NBEAL2: variants seen among roughly 807,000 people sequenced by gnomAD.
The protein encoded by NBEAL2 is neurobeachin-like protein 2.
In NBEAL2, 160 loss-of-function variants were observed where a neutral mutation model predicts 299.8. That is an observed-to-expected ratio of 0.53 (90% CI 0.47 to 0.61). NBEAL2 has a LOEUF of 0.61. NBEAL2 is among the 20% of genes least tolerant of loss of function. NBEAL2 has a pLI of 0.00. For synonymous variants in NBEAL2, 1,493 were observed against 1,542.3 expected (o/e 0.97, Z 0.75); for missense variants, 3,112 against 3,649.0 (o/e 0.85, Z 3.79).
rs1300893623 is a variant in NBEAL2 at position 46,988,338 on chromosome 3, T to G, written c.52-331T>G. Among the ~76,000 whole-genome samples the G allele has an allele frequency of 6.6e-6, 1 of 152,104 alleles. No homozygotes were observed. The highest frequency in any genetic ancestry group is 1.9e-4 in the East Asian group (1 of 5,178). ...AGTGTGGGCCACAGCCACACCCCAC[T>G]TACGCCCCTCCCCTGGCTGTGTCAG... On this transcript the variant is annotated intron_variant, in intron 1 of 53. Coordinates refer to ENST00000450053, the MANE Select transcript of NBEAL2 (RefSeq NM_015175.3). This position sits in a 1 kb window ranked among gnomAD's most constrained non-coding sequence, Gnocchi z 4.4.
Position 46,989,619 on chromosome 3 carries a change from TGG to T in NBEAL2, c.556+27_556+28del, listed in dbSNP as rs759901172. On this transcript the variant is annotated intron_variant, in intron 6 of 53. Transcript: ENST00000450053. The surrounding 1 kb of genome is among the most constrained non-coding windows in gnomAD (Gnocchi z 5.5). The stretch of plus-strand genomic sequence containing the variant: ...GTCAGGCCCCGCCCCTGCCCCCACT[TGG>T]CTCCACCCCCAAACCTAGGCCCCTT... 1 of 1,556,284 alleles carries T rather than the reference TGG, an allele frequency of 6.4e-7. No individual in the cohort carries two copies. Among genetic ancestry groups the T allele is most frequent in the South Asian group, 1.2e-5 (1 of 84,590 alleles).
rs1455126465 is a variant in NBEAL2, at chr3:47,009,500, C to T, written c.*180C>T. ...CCTCAGGGATTGGCGGGCGGAAGTC[C>T]CGCCCCTCGCCGGCTGAGGGGCCGC... is the stretch of plus-strand genomic sequence containing the variant. On this transcript the variant is annotated 3_prime_UTR_variant, in exon 54 of 54. Coordinates refer to ENST00000450053, the MANE Select transcript of NBEAL2 (RefSeq NM_015175.3). 1.1e-5 allele frequency: 7 copies of T among 647,480 alleles called. No homozygotes were observed. The highest frequency in any genetic ancestry group is 1.8e-5 in the Non-Finnish European group (7 of 382,474). The allele number at this position is 647,480 out of a possible 1,614,324, so 40.1% of individuals were successfully genotyped here. A position where few individuals can be genotyped will look rare whatever the true frequency, so the allele number is the denominator to read the frequency against.
chr3:46,999,446 G>T lies in NBEAL2; in HGVS notation c.3675G>T (p.Gln1225His). 2 of 1,582,910 alleles carry T rather than the reference G, an allele frequency of 1.3e-6. No individual in the cohort carries two copies. The highest frequency in any genetic ancestry group is 2.3e-5 in the East Asian group (1 of 43,036). ...PEGTVSPQLC[Q>H]GLYKLFLGAD... ...GGACTGTTTCCCCCCAGCTCTGCCA[G>T]GGCCTCTACAAGCTGTTCCTGGGGG... The change falls in exon 25 of 54, where the codon CAG becomes CAT. Residue 1225 changes from glutamine (Q) to histidine (H), a missense_variant. Around this residue, in one of 3 missense-constraint regions of NBEAL2, gnomAD observed 2,243 missense variants for 2,538.1 expected, o/e 0.88. Coordinates refer to ENST00000450053, the MANE Select transcript of NBEAL2 (RefSeq NM_015175.3).
Position 47,000,905 on chromosome 3 carries a change from C to A in NBEAL2, c.4306-96C>A. Reference sequence around the variant, plus strand: ...TGCTCTGACTCCTGGGTGGCTACCCCAGGAGGGGTGCTGAGTGGGGATGGG... The same window carrying A: ...TGCTCTGACTCCTGGGTGGCTACCCAAGGAGGGGTGCTGAGTGGGGATGGG... On this transcript the variant is annotated intron_variant, in intron 27 of 53. Transcript: ENST00000450053. The surrounding 1 kb of genome is among the most constrained non-coding windows in gnomAD (Gnocchi z 4.5). 1.3e-6 allele frequency: 2 copies of A among 1,526,156 alleles called. No individual in the cohort carries two copies. Among genetic ancestry groups the A allele is most frequent in the South Asian group, 2.4e-5 (2 of 82,090 alleles). 94.5% of individuals were successfully genotyped at this position (1,526,156 alleles called of 1,614,324 possible). A position where few individuals can be genotyped will look rare whatever the true frequency, so the allele number is the denominator to read the frequency against.
At chr3:46,987,931 C>G (rs2035786991) in intron 1 of NBEAL2, 2 of 1,194,118 alleles carry the variant, frequency 1.7e-6, no homozygotes, top group South Asian at 1.4e-5. Flanking sequence ...TCCCCCTCCC[C>G]CACCGTGACT....
chr3:46,989,041 G>A lies in NBEAL2; in HGVS notation c.270-44G>A, dbSNP rs770839593. ...CCAGAGGGAGAGGGGACAAGGAGGG[G>A]CATGGTGTATTATTGTGACCTCTCT... is the stretch of plus-strand genomic sequence containing the variant. On this transcript the variant is annotated intron_variant, in intron 3 of 53. Coordinates refer to ENST00000450053, the MANE Select transcript of NBEAL2 (RefSeq NM_015175.3). The surrounding 1 kb of genome is among the most constrained non-coding windows in gnomAD (Gnocchi z 5.5). The A allele has an allele frequency of 4.2e-5, 67 of 1,611,540 alleles. No homozygotes were observed. The highest frequency in any genetic ancestry group is 5.3e-5 in the Non-Finnish European group (63 of 1,178,772).
rs780645518 is a variant in NBEAL2, at chr3:47,005,556, G to A, written c.6628G>A (p.Ala2210Thr). Residue 2210 changes from alanine (A) to threonine (T), a missense_variant, in exon 41 of 54, where the codon GCC (alanine) becomes ACC (threonine). Coordinates refer to ENST00000450053, the MANE Select transcript of NBEAL2 (RefSeq NM_015175.3). ...AAWQARLESP[A>T]DVKELIPEFF... ...CTGGCAGGCACGCCTGGAGAGCCCT[G>A]CCGATGTGAAGGAGCTCATCCCGGA... 1 of 1,612,556 alleles carries A rather than the reference G, an allele frequency of 6.2e-7. No homozygotes were observed. The highest frequency in any genetic ancestry group is 8.5e-7 in the Non-Finnish European group (1 of 1,179,370).
In NBEAL2 at chr3:47,008,272, C is replaced by T. The variant is rs1186390984; in HGVS notation, c.7720-11C>T. On this transcript the variant is annotated splice_polypyrimidine_tract_variant and intron_variant, in intron 50 of 53. Transcript: ENST00000450053. The stretch of plus-strand genomic sequence containing the variant: ...GACTCCTGCCCAGGACCCTAAGTTG[C>T]CTTCCTGCAGGATGGAACTGTGATC... The T allele has an allele frequency of 1.2e-6, 2 of 1,613,078 alleles. No homozygotes were observed. Among genetic ancestry groups the T allele is most frequent in the Non-Finnish European group, 1.7e-6 (2 of 1,179,444 alleles).
chr3:47,000,804 C>T lies in NBEAL2; in HGVS notation c.4306-197C>T. On this transcript the variant is annotated intron_variant, in intron 27 of 53. Coordinates refer to ENST00000450053, the MANE Select transcript of NBEAL2 (RefSeq NM_015175.3). This position sits in a 1 kb window ranked among gnomAD's most constrained non-coding sequence, Gnocchi z 4.5. ...AGTCTGGCAAGACCCCAGGATTCTG[C>T]CTGGAACTCAGGTAGTAGTTGAGAC... The T allele has an allele frequency of 5.0e-6, 4 of 801,228 alleles. No individual in the cohort carries two copies. The South Asian group carries it at 5.9e-5, about 12-fold the overall frequency. The allele number at this position is 801,228 out of a possible 1,614,324, so 49.6% of individuals were successfully genotyped here.
In NBEAL2 at chr3:47,005,035, C is replaced by T. The variant is rs1338241666; in HGVS notation, c.6358C>T (p.Arg2120Trp). ...GGACCTCAGCAACCCAGCCGTCTTCCGGGACCTGTCTAAGCCCATCGGTGT... is the reference window on the plus strand; with the variant it reads ...GGACCTCAGCAACCCAGCCGTCTTCTGGGACCTGTCTAAGCCCATCGGTGT... ...TLDLSNPAVF[R>W]DLSKPIGVVN... Residue 2120 changes from arginine to tryptophan, a missense_variant, in exon 39 of 54, where the codon CGG becomes TGG. Transcript: ENST00000450053. 5 of 1,613,084 alleles carry T rather than the reference C, an allele frequency of 3.1e-6. No individual in the cohort carries two copies. The highest frequency in any genetic ancestry group is 3.4e-6 in the Non-Finnish European group (4 of 1,179,560).
At chr3:46,999,756 G>A (rs2036816518) in intron 26 of NBEAL2, 41 bp downstream of exon 26, 2 of 1,596,214 alleles carry the variant, frequency 1.3e-6, no homozygotes, top group African/African-American at 1.3e-5. Context: ...GGGGGAGGGT[G>A]GCTTCTACCC....
Position 47,009,497 on chromosome 3 carries a change from G to A in NBEAL2, c.*177G>A. ...CCCCCTCAGGGATTGGCGGGCGGAAGTCCCGCCCCTCGCCGGCTGAGGGGC... is the reference window on the plus strand; with the variant it reads ...CCCCCTCAGGGATTGGCGGGCGGAAATCCCGCCCCTCGCCGGCTGAGGGGC... On this transcript the variant is annotated 3_prime_UTR_variant, in exon 54 of 54. Transcript: ENST00000450053. 1.5e-6 allele frequency: 1 copy of A among 664,964 alleles called. No homozygotes were observed. Among genetic ancestry groups the A allele is most frequent in the Non-Finnish European group, 2.5e-6 (1 of 395,218 alleles). The allele number at this position is 664,964 out of a possible 1,614,324, so 41.2% of individuals were successfully genotyped here. A position where few individuals can be genotyped will look rare whatever the true frequency, so the allele number is the denominator to read the frequency against.
rs369215608 is a variant in NBEAL2 at position 47,003,042 on chromosome 3, G to T, written c.5545G>T (p.Asp1849Tyr). ...GAAGCTGGTGCCCAACCATCACTTC[G>T]ACCCTCACCTGGAAGCCAGCGCTCT... The part of the protein sequence containing the change: ...RLKLVPNHHF[D>Y]PHLEASALRD... The change falls in exon 34 of 54, where the codon GAC becomes TAC. Residue 1849 changes from aspartate to tyrosine, a missense_variant. Coordinates refer to ENST00000450053, the MANE Select transcript of NBEAL2 (RefSeq NM_015175.3). The surrounding 1 kb of genome is among the most constrained non-coding windows in gnomAD (Gnocchi z 7.0). 5 of 1,612,744 alleles carry T rather than the reference G, an allele frequency of 3.1e-6. No homozygotes were observed. The highest frequency in any genetic ancestry group is 2.7e-5 in the African/African-American group (2 of 74,886).
chr3:46,999,250 G>T, intron 24 of NBEAL2, 65 bp from the exon 25 acceptor site: 1 of 1,558,794 alleles, frequency 6.4e-7, no homozygotes, highest in East Asian at 2.3e-5. Context: ...ACACCTGCAC[G>T]GTGACTTCCC....
At chr3:46,997,497 C>T in intron 19 of NBEAL2, 64 bp downstream of exon 19, 1 of 1,589,166 alleles carries the variant, frequency 6.3e-7, no homozygotes, top group South Asian at 1.1e-5. Flanking sequence ...GGTGGAATGC[C>T]CAAGGTCTCC....
At position 47,001,461 on chromosome 3, in the gene NBEAL2, G is replaced by C. The variant is rs772216995; in HGVS notation, c.4644+23G>C. ...AAGGTGCGACCCCTCAGAGAGGCGT[G>C]AGCCACATGAACACTCATGTTCATG... On this transcript the variant is annotated intron_variant, in intron 29 of 53. Coordinates refer to ENST00000450053, the MANE Select transcript of NBEAL2 (RefSeq NM_015175.3). This position sits in a 1 kb window ranked among gnomAD's most constrained non-coding sequence, Gnocchi z 6.1. 3 of 1,605,620 alleles carry C rather than the reference G, an allele frequency of 1.9e-6. No individual in the cohort carries two copies. The highest frequency in any genetic ancestry group is 1.1e-5 in the South Asian group (1 of 90,424).
chr3:46,994,929 C>A, intron 12 of NBEAL2, 103 bp from the exon 13 acceptor site: 1 of 1,433,878 alleles, frequency 7.0e-7, no homozygotes, highest in Non-Finnish European at 9.3e-7. Context: ...TGGAGTAGAT[C>A]ATGTTGCTGA....
chr3:47,008,878 T>C (rs2037663284), intron 52 of NBEAL2, 111 bp from the exon 53 acceptor site: 8 of 1,515,978 alleles, frequency 5.3e-6, no homozygotes, highest in East Asian at 4.6e-5. Flanking sequence ...AGAATTTCAA[T>C]TTAACCATCC....
rs548664317 is a variant in NBEAL2 at position 46,996,415 on chromosome 3, C to A, written c.2296C>A (p.Leu766Ile). The stretch of plus-strand genomic sequence containing the variant: ...CCAGTCAGTCCCAGCCTCCACAGGG[C>A]TTGGCTGGGGGTCCGGGCTGGTGGC... The part of the protein sequence containing the change: ...RSQSVPASTG[L>I]GWGSGLVAPL... The change falls in exon 16 of 54, where the codon CTT (leucine) becomes ATT (isoleucine). Residue 766 changes from leucine to isoleucine, a missense_variant. Leu to Ile is a conservative substitution (Grantham distance 5). Transcript: ENST00000450053. 1 of 1,611,062 alleles carries A rather than the reference C, an allele frequency of 6.2e-7. No individual in the cohort carries two copies. Among genetic ancestry groups the A allele is most frequent in the Non-Finnish European group, 8.5e-7 (1 of 1,178,928 alleles).
Sources: gnomAD v4.1 joint callset for allele counts (sites outside exome capture counted in the v4.1 genomes callset) on GRCh38, gnomAD v4.1.1 for gene constraint, gnomAD v4.1.1 regional missense constraint, Gnocchi (gnomAD v3.1) non-coding constraint, MANE v1.5 for transcripts, NCBI Gene and HGNC (gene_info 2026-07-23, HGNC 2026-07-21) for gene names.